DCLRE1A: variants seen among roughly 807,000 people sequenced by gnomAD.
DCLRE1A encodes the protein DNA cross-link repair 1A protein.
A neutral mutation model predicts 91.9 loss-of-function variants in DCLRE1A; 64 were observed. The ratio of observed to expected loss-of-function variants is 0.70; its 90% CI spans 0.57 to 0.86. The LOEUF is 0.86. Among genes scored for constraint, DCLRE1A ranks in the 40% least tolerant of loss-of-function variants. DCLRE1A has a pLI of 0.00. For synonymous variants in DCLRE1A, 416 were observed against 431.1 expected, an observed-to-expected ratio of 0.96 and a Z score of 0.43; for missense variants, 1,145 against 1,213.3, an observed-to-expected ratio of 0.94 and a Z score of 0.84.
intron 2 of DCLRE1A, among the ~76,000 whole-genome samples, chr10:113,848,063 C>T (rs1845569152): frequency 6.6e-6 from 1 of 152,058 alleles, no homozygotes; most frequent in African/African-American, 2.4e-5. Context: ...CCCGTAATCC[C>T]AGCACTTTGG....
intron 7 of DCLRE1A, among the ~76,000 whole-genome samples, chr10:113,839,870 A>T (rs1017454783): frequency 1.3e-5 from 2 of 152,130 alleles, no homozygotes; most frequent in Non-Finnish European, 2.9e-5. Context: ...GGAAACATAC[A>T]GACTTGACGA....
intron 7 of DCLRE1A, among the ~76,000 whole-genome samples, chr10:113,840,297 A>G (rs1295172797): frequency 6.7e-6 from 1 of 150,026 alleles, no homozygotes; most frequent in Non-Finnish European, 1.5e-5. Context: ...CTGTCTCCAA[A>G]AAAAAAAAAA....
rs7086356 is a variant in DCLRE1A at position 113,848,678 on chromosome 10, A to G, written c.2125+302T>C. On this transcript the variant is annotated intron_variant, in intron 2 of 8. Coordinates refer to ENST00000361384, the MANE Select transcript of DCLRE1A (RefSeq NM_014881.5). ...TTACAGAGATGCCTTTCCTCCTTTC[A>G]TATTAAGCTGAATCCCTATTCCTCT... 5.7e-3 allele frequency among the ~76,000 whole-genome samples: 874 copies of G among 152,260 alleles called. 9 individuals carry two copies. The highest frequency in any genetic ancestry group is 0.019 in the African/African-American group (795 of 41,560).
At chr10:113,841,340 T>C (rs1331247781) in intron 7 of DCLRE1A, 66 bp downstream of exon 7, 2 of 1,554,426 alleles carry the variant, frequency 1.3e-6, no homozygotes, top group Non-Finnish European at 8.7e-7. Context: ...CTAAGTTAAA[T>C]GAAGCTTAAA....
Position 113,853,171 on chromosome 10 carries a change from G to C in DCLRE1A, c.12C>G (p.Asp4Glu). 1 of 1,560,934 alleles carries C rather than the reference G, an allele frequency of 6.4e-7. No individual in the cohort carries two copies. Among genetic ancestry groups the C allele is most frequent in the Non-Finnish European group, 8.6e-7 (1 of 1,162,294 alleles). MLE[D>E]ISEEDIWEYK... Reference sequence around the variant, plus strand: ...ATTCCCAAATGTCTTCTTCGGAAATGTCTTCTAACATGGCAAAATGATTTT... The same window carrying C: ...ATTCCCAAATGTCTTCTTCGGAAATCTCTTCTAACATGGCAAAATGATTTT... The change falls in exon 1 of 9, where the codon GAC becomes GAG. Residue 4 changes from aspartate to glutamate, a missense_variant. Transcript: ENST00000361384.
At chr10:113,852,326 A>G (rs191171733) in intron 1 of DCLRE1A, among the ~76,000 whole-genome samples, 9 of 152,266 alleles carry the variant, frequency 5.9e-5, no homozygotes, top group Non-Finnish European at 1.3e-4. Context: ...ACAGAGAGAG[A>G]CTCCGTCTCA....
rs374319129 is a variant in DCLRE1A, at chr10:113,847,301, G to A, written c.2160C>T (p.Gly720=). The change falls in exon 3 of 9, where the codon GGC becomes GGT. Residue 720 remains glycine (G), a synonymous_variant. Coordinates refer to ENST00000361384, the MANE Select transcript of DCLRE1A (RefSeq NM_014881.5). ...AATAGGCTGTGCAACCTTCAACCACGCCATACTGAAAGGCATCAACTGTAA... is the reference window on the plus strand; with the variant it reads ...AATAGGCTGTGCAACCTTCAACCACACCATACTGAAAGGCATCAACTGTAA... ...TGFTVDAFQY[G]VVEGCTAYFL... 15 of 1,613,750 alleles carry A rather than the reference G, an allele frequency of 9.3e-6. No individual in the cohort carries two copies. Among genetic ancestry groups the A allele is most frequent in the Admixed American group, 5.0e-5 (3 of 59,994 alleles).
Position 113,835,127 on chromosome 10 carries a change from T to G in DCLRE1A, c.*25A>C. 6.2e-7 allele frequency: 1 copy of G among 1,603,624 alleles called. No homozygotes were observed. The highest frequency in any genetic ancestry group is 8.5e-7 in the Non-Finnish European group (1 of 1,175,624). ...ACAAGCTACATCCAAGGAACTTAAC[T>G]ACTACTGAATCCTCGGAGGTATCAT... On this transcript the variant is annotated 3_prime_UTR_variant, in exon 9 of 9. Coordinates refer to ENST00000361384, the MANE Select transcript of DCLRE1A (RefSeq NM_014881.5).
At chr10:113,839,670 T>C (rs1004099519) in intron 7 of DCLRE1A, among the ~76,000 whole-genome samples, 4 of 152,168 alleles carry the variant, frequency 2.6e-5, no homozygotes, top group Non-Finnish European at 2.9e-5. Context: ...CAAGAAGATA[T>C]AGACTTCACT....
Position 113,849,060 on chromosome 10 carries a change from C to G in DCLRE1A, c.2045G>C (p.Arg682Thr), listed in dbSNP as rs746229843. 1 of 1,614,128 alleles carries G rather than the reference C, an allele frequency of 6.2e-7. No homozygotes were observed. The highest frequency in any genetic ancestry group is 1.1e-5 in the South Asian group (1 of 91,084). The change falls in exon 2 of 9, where the codon AGG becomes ACG. Residue 682 changes from arginine (R) to threonine (T), a missense_variant. Coordinates refer to ENST00000361384, the MANE Select transcript of DCLRE1A (RefSeq NM_014881.5). ...TGACTCTGGGATTTTCTTGTTGCCC[C>G]TTTGCAGCCCACCATGAGCTGATTT... ...FTKSAHGGLQ[R>T]GNKKIPESSN...
intron 4 of DCLRE1A, 63 bp from the exon 5 acceptor site, chr10:113,844,307 T>C (rs573177232): frequency 6.3e-7 from 1 of 1,589,708 alleles, no homozygotes; most frequent in South Asian, 1.1e-5. Context: ...ACAGTATCTA[T>C]TTCAATATCA....
At position 113,849,102 on chromosome 10, in the gene DCLRE1A, T is replaced by TTAA. The variant is rs1190307918; in HGVS notation, c.2002_2003insTTA (p.Ser667_Lys668insIle). On this transcript the variant is annotated inframe_insertion, in exon 2 of 9. Coordinates refer to ENST00000361384, the MANE Select transcript of DCLRE1A (RefSeq NM_014881.5). ...AGCTGATTTTGTGAAGACTTTGACT[T>TTAA]TACTTAAATTGACTGCTTCAGATTC... 3.1e-6 allele frequency: 5 copies of TTAA among 1,614,030 alleles called. No homozygotes were observed. Among genetic ancestry groups the TTAA allele is most frequent in the Non-Finnish European group, 4.2e-6 (5 of 1,180,026 alleles).
At chr10:113,845,828 C>T (rs1239202009) in intron 3 of DCLRE1A, 25 bp from the exon 4 acceptor site, 1 of 1,548,312 alleles carries the variant, frequency 6.5e-7, no homozygotes, top group Non-Finnish European at 8.9e-7. Flanking sequence ...GTGCTTATTG[C>T]TGATGCAGTA....
chr10:113,847,624 C>T (rs1242205133), intron 2 of DCLRE1A, among the ~76,000 whole-genome samples: 1 of 152,136 alleles, frequency 6.6e-6, no homozygotes. Context: ...TTAACTAATA[C>T]TTTCATAATA....
At chr10:113,845,836 G>A (rs1018062169) in intron 3 of DCLRE1A, 33 bp from the exon 4 acceptor site, 1 of 1,470,976 alleles carries the variant, frequency 6.8e-7, no homozygotes, top group Non-Finnish European at 9.5e-7. Context: ...TGCTGATGCA[G>A]TAAAACACTA....
Position 113,853,193 on chromosome 10 carries a change from T to A in DCLRE1A, c.-11A>T. ...AATGTCTTCTAACATGGCAAAATGA[T>A]TTTATCATTCAAGAAGTATTAATCT... On this transcript the variant is annotated 5_prime_UTR_variant, in exon 1 of 9. Transcript: ENST00000361384. The A allele has an allele frequency of 6.6e-7, 1 of 1,525,622 alleles. No homozygotes were observed. Among genetic ancestry groups the A allele is most frequent in the Non-Finnish European group, 8.7e-7 (1 of 1,145,860 alleles). 94.5% of individuals were successfully genotyped at this position (1,525,622 alleles called of 1,614,324 possible).
At chr10:113,838,336 ACATAAACTGAGT>A (rs1845393472) in intron 7 of DCLRE1A, among the ~76,000 whole-genome samples, 1 of 152,212 alleles carries the variant, frequency 6.6e-6, no homozygotes, top group Non-Finnish European at 1.5e-5. Context: ...TACATATAAT[ACATAAACTGAGT>A]CCAACTTTCA....
chr10:113,849,258 GTACT>G lies in DCLRE1A; in HGVS notation c.1843_1846del (p.Ser615LeufsTer51), dbSNP rs1360540686. On this transcript the variant is annotated frameshift_variant, in exon 2 of 9. Coordinates refer to ENST00000361384, the MANE Select transcript of DCLRE1A (RefSeq NM_014881.5). LOFTEE classifies it high-confidence loss of function. The stretch of plus-strand genomic sequence containing the variant: ...CACAGAAAGCTGACTCTCATGTAAA[GTACT>G]TGCATCAAATTCTAAATCACTTAAA... 6.2e-7 allele frequency: 1 copy of G among 1,614,108 alleles called. No individual in the cohort carries two copies. Among genetic ancestry groups the G allele is most frequent in the Non-Finnish European group, 8.5e-7 (1 of 1,180,026 alleles).
At chr10:113,852,692 T>G in intron 1 of DCLRE1A, 31 bp downstream of exon 1, 1 of 1,574,136 alleles carries the variant, frequency 6.4e-7, no homozygotes. Context: ...TTTAGATTAT[T>G]TAGAAACTAC....
Sources: allele counts gnomAD v4.1 joint callset (sites outside exome capture counted in the v4.1 genomes callset), GRCh38; gene constraint gnomAD v4.1.1; transcripts MANE v1.5; gene names NCBI Gene and HGNC (gene_info 2026-07-23, HGNC 2026-07-21).